METTL15: variants seen among roughly 807,000 people sequenced by gnomAD.
The protein encoded by METTL15 is 12S rRNA N(4)-cytidine methyltransferase METTL15.
Under a neutral mutation model 38.3 loss-of-function variants are expected in METTL15, and 34 were observed. The observed-to-expected ratio is 0.89, with a 90% CI of 0.68 to 1.18. The LOEUF is 1.18. Among genes scored for constraint, METTL15 ranks in the 50% most tolerant of loss-of-function variants. The probability of loss-of-function intolerance (pLI) is 0.00; values close to 1 mark genes in which losing one functional copy is unlikely to be tolerated. For missense variants in METTL15, 438 were observed against 498.4 expected, an observed-to-expected ratio of 0.88 and a Z score of 1.15; for synonymous variants, 162 against 170.9, an observed-to-expected ratio of 0.95 and a Z score of 0.41.
At chr11:28,427,499 A>G (rs1297222013) in intron 6 of METTL15, among the ~76,000 whole-genome samples, 2 of 152,176 alleles carry the variant, frequency 1.3e-5, no homozygotes, top group Admixed American at 1.3e-4. Context: ...TGGGAATAGC[A>G]TTGAATCTAC....
intron 5 of METTL15, among the ~76,000 whole-genome samples, chr11:28,385,169 T>A (rs1850427657): frequency 6.6e-6 from 1 of 152,244 alleles, no homozygotes. Context: ...TTGTCAATTT[T>A]TGCTTTTGTT....
At chr11:28,319,594 G>A (rs968444373) in intron 6 of METTL15, among the ~76,000 whole-genome samples, 1 of 151,814 alleles carries the variant, frequency 6.6e-6, no homozygotes, top group Non-Finnish European at 1.5e-5. Context: ...ACCTTTGAAC[G>A]AAAATTAGAA....
chr11:28,374,002 T>C (rs1487057460), intron 5 of METTL15, among the ~76,000 whole-genome samples: 1 of 152,186 alleles, frequency 6.6e-6, no homozygotes, highest in Admixed American at 6.5e-5. Context: ...TTCTGAGGGC[T>C]CTGTTCTGTT....
intron 4 of METTL15, among the ~76,000 whole-genome samples, chr11:28,243,447 C>G (rs1854385171): frequency 1.3e-5 from 2 of 152,154 alleles, no homozygotes; most frequent in African/African-American, 4.8e-5. Flanking sequence ...TTTCTTGTGG[C>G]TGAAGGCCCT....
At chr11:28,148,555 C>T (rs970986844) in intron 3 of METTL15, among the ~76,000 whole-genome samples, 12 of 151,778 alleles carry the variant, frequency 7.9e-5, no homozygotes, top group Non-Finnish European at 1.2e-4. Flanking sequence ...TGCTTATTTC[C>T]AATTGTATTT....
At position 28,384,454 on chromosome 11, in the gene METTL15, A is replaced by G. The variant is rs373322391; in HGVS notation, c.*358+22418A>G. On this transcript the variant is annotated intron_variant and NMD_transcript_variant, in intron 5 of 7. Coordinates refer to the METTL15 transcript ENST00000532947. Reference sequence around the variant, plus strand: ...CTCCCAAGTAGCTGGGATTACAGACATGCGTCATCATACCCGGCTAATTTT... The same window carrying G: ...CTCCCAAGTAGCTGGGATTACAGACGTGCGTCATCATACCCGGCTAATTTT... 1.4e-4 allele frequency among the ~76,000 whole-genome samples: 22 copies of G among 152,012 alleles called. 1 individual carries two copies. Among genetic ancestry groups the G allele is most frequent in the African/African-American group, 5.3e-4 (22 of 41,492 alleles).
At chr11:28,313,961 C>T (rs561937034) in intron 6 of METTL15, among the ~76,000 whole-genome samples, 1 of 152,136 alleles carries the variant, frequency 6.6e-6, no homozygotes, top group South Asian at 2.1e-4. Flanking sequence ...CTTCTAGAAA[C>T]CAAAAGCCTT....
chr11:28,213,565 A>G (rs1329968847), intron 4 of METTL15, among the ~76,000 whole-genome samples: 2 of 151,450 alleles, frequency 1.3e-5, no homozygotes, highest in Non-Finnish European at 2.9e-5. Flanking sequence ...CCGTAATAGA[A>G]ATTAGAAGGT....
chr11:28,150,141 C>T (rs1227672358), intron 3 of METTL15, among the ~76,000 whole-genome samples: 1 of 151,788 alleles, frequency 6.6e-6, no homozygotes. Context: ...GCACCCCAGC[C>T]CTCCAATCTC....
chr11:28,443,396 G>A (rs1459715495), intron 6 of METTL15, among the ~76,000 whole-genome samples: 2 of 152,070 alleles, frequency 1.3e-5, no homozygotes, highest in Admixed American at 6.5e-5. Flanking sequence ...GCCCTCTTCT[G>A]TTCCCTATCT....
intron 4 of METTL15, among the ~76,000 whole-genome samples, chr11:28,212,834 C>T (rs994714390): frequency 1.3e-5 from 2 of 152,076 alleles, no homozygotes; most frequent in East Asian, 1.9e-4. Context: ...ACTGAATTCT[C>T]GTAAGATATT....
chr11:28,117,335 A>G (rs2133598269), intron 3 of METTL15, among the ~76,000 whole-genome samples: 1 of 149,246 alleles, frequency 6.7e-6, no homozygotes, highest in East Asian at 2.0e-4. Context: ...AATTGGAACC[A>G]AATTCAGTGG....
At chr11:28,343,208 G>A (rs1463922665) in intron 3 of METTL15, among the ~76,000 whole-genome samples, 4 of 139,246 alleles carry the variant, frequency 2.9e-5, no homozygotes, top group Middle Eastern at 3.5e-3. Flanking sequence ...GGGAAGGTCA[G>A]GGAGAAGAAA....
intron 5 of METTL15, among the ~76,000 whole-genome samples, chr11:28,383,233 C>T (rs1477392960): frequency 6.6e-6 from 1 of 152,034 alleles, no homozygotes; most frequent in African/African-American, 2.4e-5. Flanking sequence ...TTTTCTATTA[C>T]TATGTTAGTT....
intron 4 of METTL15, among the ~76,000 whole-genome samples, chr11:28,246,469 A>C (rs1032324078): frequency 1.3e-5 from 2 of 152,182 alleles, no homozygotes; most frequent in African/African-American, 4.8e-5. Flanking sequence ...TTACTGAGAC[A>C]TTAGGAGTGC....
chr11:28,341,808 ACTCTT>A (rs1429112707), intron 3 of METTL15, among the ~76,000 whole-genome samples: 1 of 150,824 alleles, frequency 6.6e-6, no homozygotes, highest in Non-Finnish European at 1.5e-5. Context: ...TCTGGAGTGG[ACTCTT>A]CTCTGTGTGG....
intron 4 of METTL15, among the ~76,000 whole-genome samples, chr11:28,223,001 GAA>G (rs1250531052): frequency 6.6e-6 from 1 of 152,028 alleles, no homozygotes; most frequent in Non-Finnish European, 1.5e-5. Flanking sequence ...GTATAATACT[GAA>G]AAACATAATT....
At chr11:28,164,358 T>A (rs2133749278) in intron 3 of METTL15, among the ~76,000 whole-genome samples, 1 of 152,172 alleles carries the variant, frequency 6.6e-6, no homozygotes, top group East Asian at 1.9e-4. Context: ...ATGACCACTG[T>A]TTTAATTCAC....
chr11:28,282,919 A>G (rs909159658), intron 4 of METTL15, among the ~76,000 whole-genome samples: 8 of 152,214 alleles, frequency 5.3e-5, no homozygotes, highest in African/African-American at 1.7e-4. Context: ...AGTTTGTTAC[A>G]TAGCAAAAAT....
Sources: gnomAD v4.1 joint callset for allele counts (sites outside exome capture counted in the v4.1 genomes callset) on GRCh38, gnomAD v4.1.1 for gene constraint, MANE v1.5 for transcripts, NCBI Gene and HGNC (gene_info 2026-07-23, HGNC 2026-07-21) for gene names.